Variants in MAGI1 observed in about 807,000 individuals in gnomAD.
MAGI1 encodes the protein membrane-associated guanylate kinase, WW and PDZ domain-containing protein 1.
A neutral mutation model predicts 139.9 loss-of-function variants in MAGI1; 58 were observed. The ratio of observed to expected loss-of-function variants is 0.41; its 90% CI spans 0.34 to 0.52. The LOEUF (loss-of-function observed/expected upper bound fraction) is 0.52, where lower values mean the gene tolerates loss of function less well. Among genes scored for constraint, MAGI1 ranks in the 20% least tolerant of loss-of-function variants. MAGI1 has a pLI of 0.12. For synonymous variants in MAGI1, 812 were observed against 737.9 expected (o/e 1.10, Z -1.63); for missense variants, 1,874 against 1,901.6 (o/e 0.99, Z 0.27).
At chr3:65,904,717 G>A (rs2061369151) in intron 1 of MAGI1, among the ~76,000 whole-genome samples, 1 of 152,180 alleles carries the variant, frequency 6.6e-6, no homozygotes, top group Non-Finnish European at 1.5e-5. Flanking sequence ...AAGTATCATT[G>A]ACAAAATAGT....
chr3:65,779,346 T>C (rs1171557683), intron 1 of MAGI1, among the ~76,000 whole-genome samples: 1 of 152,130 alleles, frequency 6.6e-6, no homozygotes, highest in Non-Finnish European at 1.5e-5. Flanking sequence ...AGTCCCAAAT[T>C]TGCTTCTGGA....
chr3:65,579,694 A>G (rs2081329944), intron 2 of MAGI1, among the ~76,000 whole-genome samples: 1 of 151,924 alleles, frequency 6.6e-6, no homozygotes, highest in South Asian at 2.1e-4. Context: ...AAAAATGCAA[A>G]AAAGTAGCCG....
At chr3:65,761,902 C>A (rs1246558479) in intron 1 of MAGI1, among the ~76,000 whole-genome samples, 1 of 152,094 alleles carries the variant, frequency 6.6e-6, no homozygotes, top group African/African-American at 2.4e-5. Flanking sequence ...GAAAAATGGT[C>A]CTGACAAGAT....
At chr3:65,737,303 C>T (rs1029336179) in intron 1 of MAGI1, among the ~76,000 whole-genome samples, 1 of 152,218 alleles carries the variant, frequency 6.6e-6, no homozygotes, top group African/African-American at 2.4e-5. Context: ...CTGCGCCCAG[C>T]GCATCAAGAC....
At chr3:65,459,662 G>C (rs894486308) in intron 5 of MAGI1, among the ~76,000 whole-genome samples, 1 of 152,078 alleles carries the variant, frequency 6.6e-6, no homozygotes, top group East Asian at 1.9e-4. Flanking sequence ...GAATAACCAC[G>C]GGAACAGCTC....
intron 1 of MAGI1, among the ~76,000 whole-genome samples, chr3:65,820,447 G>A (rs1018043998): frequency 2.0e-5 from 3 of 152,156 alleles, no homozygotes; most frequent in East Asian, 1.9e-4. Context: ...GATACAAGGG[G>A]TAGTTATGGC....
intron 2 of MAGI1, among the ~76,000 whole-genome samples, chr3:65,554,057 TG>T (rs1462796817): frequency 6.6e-6 from 1 of 152,312 alleles, no homozygotes; most frequent in African/African-American, 2.4e-5. Flanking sequence ...CCAGTGAAAT[TG>T]TAATACCACA....
chr3:65,447,589 C>G (rs928131839), intron 7 of MAGI1, among the ~76,000 whole-genome samples: 1 of 152,214 alleles, frequency 6.6e-6, no homozygotes, highest in Non-Finnish European at 1.5e-5. Flanking sequence ...GTTCCTTAAA[C>G]TAGTCTTAAT....
chr3:65,702,124 T>A (rs922465275), intron 1 of MAGI1, among the ~76,000 whole-genome samples: 1 of 152,170 alleles, frequency 6.6e-6, no homozygotes, highest in African/African-American at 2.4e-5. Flanking sequence ...CAGTATTCAG[T>A]ACCTGTGTTT....
chr3:65,797,160 C>CT (rs2040199379), intron 1 of MAGI1, among the ~76,000 whole-genome samples: 2 of 152,208 alleles, frequency 1.3e-5, no homozygotes, highest in Admixed American at 1.3e-4. Flanking sequence ...TCCTCAGTCT[C>CT]TGAGATACAA....
At chr3:65,876,820 T>G (rs976942948) in intron 1 of MAGI1, among the ~76,000 whole-genome samples, 1 of 150,632 alleles carries the variant, frequency 6.6e-6, no homozygotes, top group Non-Finnish European at 1.5e-5. Context: ...CTCAGCTCAC[T>G]GCAAGCTCCG....
chr3:65,442,047 T>A (rs1012136197), intron 8 of MAGI1, among the ~76,000 whole-genome samples: 1 of 151,556 alleles, frequency 6.6e-6, no homozygotes, highest in Non-Finnish European at 1.5e-5. Flanking sequence ...TAGTTACCTC[T>A]CATTTTTCTC....
At chr3:66,012,307 T>A (rs1178453602) in intron 1 of MAGI1, among the ~76,000 whole-genome samples, 1 of 152,076 alleles carries the variant, frequency 6.6e-6, no homozygotes, top group East Asian at 1.9e-4. Context: ...TACACCATGA[T>A]CCACTCAACA....
intron 7 of MAGI1, 26 bp downstream of exon 7, chr3:65,447,996 A>C (rs1253036850): frequency 6.2e-7 from 1 of 1,606,816 alleles, no homozygotes; most frequent in Admixed American, 1.7e-5. Flanking sequence ...CGTGTCATGC[A>C]GCAGCAGCAG....
At chr3:65,610,616 T>C (rs1020425608) in intron 2 of MAGI1, among the ~76,000 whole-genome samples, 12 of 151,402 alleles carry the variant, frequency 7.9e-5, no homozygotes, top group Non-Finnish European at 1.3e-4. Context: ...CTCAAGTCAA[T>C]TGATGAAATC....
chr3:65,824,767 G>A (rs1008030602), intron 1 of MAGI1, among the ~76,000 whole-genome samples: 145 of 152,232 alleles, frequency 9.5e-4, no homozygotes, highest in African/African-American at 3.4e-3. Flanking sequence ...TACAAGTCAT[G>A]GCTATTTTCT....
chr3:65,674,303 T>C (rs2087047492), intron 1 of MAGI1, among the ~76,000 whole-genome samples: 2 of 152,140 alleles, frequency 1.3e-5, no homozygotes, highest in Admixed American at 6.5e-5. Flanking sequence ...CTCAGCCCTA[T>C]CAGCATGAGA....
chr3:65,623,187 G>A (rs1417574696), intron 1 of MAGI1, among the ~76,000 whole-genome samples: 1 of 152,190 alleles, frequency 6.6e-6, no homozygotes, highest in Non-Finnish European at 1.5e-5. Context: ...CAGAGAGAGA[G>A]ACATAGACAT....
chr3:65,997,705 A>T (rs2066524521), intron 1 of MAGI1, among the ~76,000 whole-genome samples: 1 of 151,928 alleles, frequency 6.6e-6, no homozygotes, highest in Non-Finnish European at 1.5e-5. Context: ...TTCTGTACCA[A>T]GTCAACCTAC....
Sources: allele counts gnomAD v4.1 joint callset (sites outside exome capture counted in the v4.1 genomes callset), GRCh38; gene constraint gnomAD v4.1.1; transcripts MANE v1.5; gene names NCBI Gene and HGNC (gene_info 2026-07-23, HGNC 2026-07-21).